ZFHX3: variants seen among roughly 807,000 people sequenced by gnomAD.
The protein encoded by ZFHX3 is zinc finger homeobox protein 3.
ZFHX3 carries 42 observed loss-of-function variants against 279.1 expected under a neutral mutation model. That is an observed-to-expected ratio of 0.15 (90% confidence interval 0.12 to 0.19). The LOEUF is 0.19. ZFHX3 is among the 10% of genes least tolerant of loss of function. The probability of loss-of-function intolerance (pLI) is 1.00; values close to 1 mark genes in which losing one functional copy is unlikely to be tolerated. For missense variants in ZFHX3, 4,981 were observed against 4,754.0 expected (o/e 1.05, Z -1.40); for synonymous variants, 2,293 against 1,957.8 (o/e 1.17, Z -4.52).
chr16:73,490,865 C>T (rs944200897), intron 2 of ZFHX3, among the ~76,000 whole-genome samples: 1 of 152,074 alleles, frequency 6.6e-6, no homozygotes, highest in African/African-American at 2.4e-5. Context: ...AAAACACCGC[C>T]TCTCCAATGA....
intron 3 of ZFHX3, among the ~76,000 whole-genome samples, chr16:72,922,116 C>G (rs2039601402): frequency 6.6e-6 from 1 of 152,178 alleles, no homozygotes; most frequent in Admixed American, 6.5e-5. Context: ...CAGACCTTCG[C>G]ATTTCCACAC....
intron 3 of ZFHX3, among the ~76,000 whole-genome samples, chr16:73,369,820 C>T (rs77333995): frequency 0.014 from 2,111 of 151,422 alleles, 54 homozygotes; most frequent in African/African-American, 0.049. Context: ...AGCTTAATTA[C>T]TTAGAATTAG....
intron 2 of ZFHX3, among the ~76,000 whole-genome samples, chr16:73,621,596 A>G (rs748918881): frequency 1.3e-5 from 2 of 152,338 alleles, no homozygotes; most frequent in East Asian, 1.9e-4. Flanking sequence ...GAGGGAGAAC[A>G]GTAACTCACC....
intron 5 of ZFHX3, among the ~76,000 whole-genome samples, chr16:73,220,515 C>T (rs577751194): frequency 6.6e-6 from 1 of 152,228 alleles, no homozygotes; most frequent in East Asian, 1.9e-4. Context: ...CAGGCCTTCT[C>T]AGAGGCTTTA....
chr16:73,498,687 G>A (rs563160957), intron 2 of ZFHX3, among the ~76,000 whole-genome samples: 8 of 152,314 alleles, frequency 5.3e-5, no homozygotes, highest in South Asian at 2.1e-4. Context: ...TGGGGTAAAG[G>A]GAGCAGGATT....
At chr16:73,105,322 T>C (rs565969020) in intron 7 of ZFHX3, among the ~76,000 whole-genome samples, 7 of 129,238 alleles carry the variant, frequency 5.4e-5, no homozygotes, top group Non-Finnish European at 1.0e-4. Flanking sequence ...TACACACACA[T>C]ACACACACAC....
At chr16:73,221,664 G>A (rs1394888135) in intron 5 of ZFHX3, among the ~76,000 whole-genome samples, 1 of 152,102 alleles carries the variant, frequency 6.6e-6, no homozygotes, top group Non-Finnish European at 1.5e-5. Flanking sequence ...TTGTGTTTGT[G>A]TACATAAAGT....
intron 1 of ZFHX3, among the ~76,000 whole-genome samples, chr16:73,768,350 T>C (rs1053201166): frequency 6.6e-6 from 1 of 152,192 alleles, no homozygotes; most frequent in Admixed American, 6.5e-5. Context: ...GAGGCACCAA[T>C]GGAAAGTACC....
chr16:73,181,081 G>GTTTGT (rs375983001), intron 5 of ZFHX3, among the ~76,000 whole-genome samples: 11,184 of 142,896 alleles, frequency 0.078, 472 homozygotes, highest in Middle Eastern at 0.13. Flanking sequence ...TTTTTTGTTT[G>GTTTGT]TTTGTTTTGT....
At chr16:73,041,689 G>T (rs1048994248) in intron 1 of ZFHX3, among the ~76,000 whole-genome samples, 4 of 152,050 alleles carry the variant, frequency 2.6e-5, no homozygotes, top group African/African-American at 9.7e-5. Flanking sequence ...CGCACACACT[G>T]AAATCCATGA....
chr16:73,383,071 G>T (rs1391592550), intron 3 of ZFHX3, among the ~76,000 whole-genome samples: 1 of 152,224 alleles, frequency 6.6e-6, no homozygotes, highest in Non-Finnish European at 1.5e-5. Context: ...ATGCTTGGCC[G>T]CTCTCCACAT....
At chr16:73,002,518 G>A (rs1454381248) in intron 1 of ZFHX3, among the ~76,000 whole-genome samples, 1 of 152,082 alleles carries the variant, frequency 6.6e-6, no homozygotes, top group African/African-American at 2.4e-5. Flanking sequence ...GAAATTCAGT[G>A]ACATATCAGA....
intron 2 of ZFHX3, among the ~76,000 whole-genome samples, chr16:73,645,458 A>G (rs575549491): frequency 1.7e-3 from 254 of 152,210 alleles, no homozygotes; most frequent in Middle Eastern, 3.4e-3. Context: ...GGGTTTCACC[A>G]TGTTAGCCAG....
chr16:73,125,704 T>C (rs1243182061), intron 7 of ZFHX3, among the ~76,000 whole-genome samples: 2 of 152,082 alleles, frequency 1.3e-5, no homozygotes, highest in Non-Finnish European at 2.9e-5. Flanking sequence ...TTGGACTGGC[T>C]CTCCTTGCTC....
At chr16:73,412,156 T>C (rs1284513334) in intron 3 of ZFHX3, among the ~76,000 whole-genome samples, 1 of 151,600 alleles carries the variant, frequency 6.6e-6, no homozygotes, top group Admixed American at 6.6e-5. Flanking sequence ...TGAAACCCAG[T>C]CTTTACAAAA....
intron 1 of ZFHX3, among the ~76,000 whole-genome samples, chr16:73,853,953 C>A (rs1393261537): frequency 1.3e-5 from 2 of 152,204 alleles, no homozygotes; most frequent in African/African-American, 4.8e-5. Flanking sequence ...CGATTCTCTA[C>A]CTCCATCAGG....
rs1191635435 is a variant in ZFHX3 at position 73,744,989 on chromosome 16, T to C, written c.-1607-64749A>G. Among the ~76,000 whole-genome samples, 62 of 152,192 alleles carry C rather than the reference T, an allele frequency of 4.1e-4. 1 individual carries two copies. The highest frequency in any genetic ancestry group is 5.9e-5 in the Non-Finnish European group (4 of 68,036). On this transcript the variant is annotated intron_variant, in intron 1 of 17. Coordinates refer to the ZFHX3 transcript ENST00000641206. ...TCAGTGGACTTGGTAGAATAAGCTA[T>C]TGTGGAAGTAATTCCTGTAAAAGGT... is the stretch of plus-strand genomic sequence containing the variant.
At chr16:73,867,621 T>C (rs1226309328) in intron 1 of ZFHX3, among the ~76,000 whole-genome samples, 1 of 152,224 alleles carries the variant, frequency 6.6e-6, no homozygotes, top group East Asian at 1.9e-4. Context: ...CTCATGGTAC[T>C]TAACACTTTA....
chr16:73,181,815 G>A (rs752008180), intron 5 of ZFHX3, among the ~76,000 whole-genome samples: 3 of 152,128 alleles, frequency 2.0e-5, no homozygotes, highest in Non-Finnish European at 4.4e-5. Flanking sequence ...ACTATGTAAA[G>A]GCACCAGCTG....
Sources: gnomAD v4.1 joint callset for allele counts (sites outside exome capture counted in the v4.1 genomes callset) on GRCh38, gnomAD v4.1.1 for gene constraint, MANE v1.5 for transcripts, NCBI Gene and HGNC (gene_info 2026-07-23, HGNC 2026-07-21) for gene names.